SEPTIN11: variants seen among roughly 807,000 people sequenced by gnomAD.
SEPTIN11 encodes the protein septin 11.
SEPTIN11 carries 25 observed loss-of-function variants against 51.4 expected under a neutral mutation model. The ratio of observed to expected loss-of-function variants is 0.49; its 90% CI spans 0.35 to 0.68. The LOEUF (loss-of-function observed/expected upper bound fraction) is 0.68, where lower values mean the gene tolerates loss of function less well. Ranked by LOEUF, SEPTIN11 falls within the 30% of genes least tolerant of loss-of-function variation. The pLI, the probability that SEPTIN11 is intolerant of heterozygous loss-of-function variation, is 0.00. For synonymous variants in SEPTIN11, 174 were observed against 184.1 expected, an observed-to-expected ratio of 0.95 and a Z score of 0.44; for missense variants, 381 against 520.8, an observed-to-expected ratio of 0.73 and a Z score of 2.61.
rs1726572705 is a variant in SEPTIN11 at position 77,030,875 on chromosome 4, C to T, written c.1179C>T (p.Asn393=). The change falls in exon 9 of 10, where the codon AAC becomes AAT. Residue 393 remains asparagine, a synonymous_variant. Transcript: ENST00000264893. The part of the protein sequence containing the change: ...DKKKELEEEV[N]NFQKKKAAAQ... ...AGAAGGAGCTTGAGGAGGAGGTGAACAACTTCCAGAAGAAGAAAGCAGCGG... is the reference window on the plus strand; with the variant it reads ...AGAAGGAGCTTGAGGAGGAGGTGAATAACTTCCAGAAGAAGAAAGCAGCGG... 1 of 1,613,632 alleles carries T rather than the reference C, an allele frequency of 6.2e-7. No homozygotes were observed. The highest frequency in any genetic ancestry group is 2.2e-5 in the East Asian group (1 of 44,844).
At chr4:76,956,669 A>T (rs1423065627) in intron 1 of SEPTIN11, among the ~76,000 whole-genome samples, 1 of 152,142 alleles carries the variant, frequency 6.6e-6, no homozygotes, top group Non-Finnish European at 1.5e-5. Context: ...AAGCTCTTAG[A>T]TGGGTCACTT....
In SEPTIN11 at chr4:77,037,987, A is replaced by G; in HGVS notation, c.*3475A>G. Reference sequence around the variant, plus strand: ...TTCTTGACATTTCCATGACTGTTTCACATACAAACTATTGGGTGAGGTTTT... The same window carrying G: ...TTCTTGACATTTCCATGACTGTTTCGCATACAAACTATTGGGTGAGGTTTT... On this transcript the variant is annotated 3_prime_UTR_variant, in exon 10 of 10. Coordinates refer to ENST00000264893, the MANE Select transcript of SEPTIN11 (RefSeq NM_018243.4). 1 of 985,838 alleles carries G rather than the reference A, an allele frequency of 1.0e-6. No homozygotes were observed. The highest frequency in any genetic ancestry group is 1.2e-6 in the Non-Finnish European group (1 of 829,946). 61.1% of individuals were successfully genotyped at this position (985,838 alleles called of 1,614,324 possible). A position where few individuals can be genotyped will look rare whatever the true frequency, so the allele number is the denominator to read the frequency against.
intron 1 of SEPTIN11, among the ~76,000 whole-genome samples, chr4:76,969,801 C>CAAAA (rs1242444911): frequency 6.6e-6 from 1 of 152,162 alleles, no homozygotes; most frequent in Non-Finnish European, 1.5e-5. Flanking sequence ...TCACTTCTGA[C>CAAAA]ATTTCTAGCC....
chr4:76,988,195 AT>A (rs1367196790), intron 1 of SEPTIN11, among the ~76,000 whole-genome samples: 2 of 152,258 alleles, frequency 1.3e-5, no homozygotes, highest in Non-Finnish European at 2.9e-5. Flanking sequence ...AGGCTGGTGA[AT>A]TCACTCAAAG....
intron 1 of SEPTIN11, among the ~76,000 whole-genome samples, chr4:76,957,437 C>T (rs774517425): frequency 1.3e-5 from 2 of 152,234 alleles, no homozygotes; most frequent in East Asian, 3.9e-4. Flanking sequence ...TACCATTTAA[C>T]AAGCTTTGTG....
At chr4:77,014,196 A>C (rs914252590) in intron 4 of SEPTIN11, among the ~76,000 whole-genome samples, 1 of 152,192 alleles carries the variant, frequency 6.6e-6, no homozygotes, top group African/African-American at 2.4e-5. Context: ...ACTGATTTTC[A>C]AAAGAATTAG....
chr4:77,000,761 A>G (rs1042537293), intron 2 of SEPTIN11, among the ~76,000 whole-genome samples: 1 of 152,168 alleles, frequency 6.6e-6, no homozygotes, highest in Admixed American at 6.5e-5. Context: ...AGTCAGTGCA[A>G]TTGTTTAATG....
chr4:77,037,345 A>G lies in SEPTIN11; in HGVS notation c.*2833A>G. 1 of 974,588 alleles carries G rather than the reference A, an allele frequency of 1.0e-6. No homozygotes were observed. The highest frequency in any genetic ancestry group is 1.2e-6 in the Non-Finnish European group (1 of 820,262). The allele number at this position is 974,588 out of a possible 1,614,324, so 60.4% of individuals were successfully genotyped here. On this transcript the variant is annotated 3_prime_UTR_variant, in exon 10 of 10. Transcript: ENST00000264893. ...CCACTGCATTCCAACCTGGGTGATG[A>G]AGTGAGACTCTCCAAAAAAAAAAAA...
rs377333595 is a variant in SEPTIN11, at chr4:77,034,563, T to A, written c.*51T>A. 100 of 1,510,750 alleles carry A rather than the reference T, an allele frequency of 6.6e-5. No individual in the cohort carries two copies. The highest frequency in any genetic ancestry group is 4.2e-5 in the Non-Finnish European group (48 of 1,136,336). The allele number at this position is 1,510,750 out of a possible 1,614,324, so 93.6% of individuals were successfully genotyped here. ...GCATTCACCTGCTTTTGCAGTAATATCGTATCTCTGCCATGTGTGTTCTTT... is the reference window on the plus strand; with the variant it reads ...GCATTCACCTGCTTTTGCAGTAATAACGTATCTCTGCCATGTGTGTTCTTT... On this transcript the variant is annotated 3_prime_UTR_variant, in exon 10 of 10. Coordinates refer to ENST00000264893, the MANE Select transcript of SEPTIN11 (RefSeq NM_018243.4).
At position 77,014,080 on chromosome 4, in the gene SEPTIN11, T is replaced by C. The variant is rs957185785; in HGVS notation, c.526-776T>C. Among the ~76,000 whole-genome samples, 8 of 152,322 alleles carry C rather than the reference T, an allele frequency of 5.3e-5. No individual in the cohort carries two copies. In the South Asian group the frequency reaches 1.4e-3, roughly 28 times the overall value. ...CTTTCTGGGCTTCCTGCCACTAATG[T>C]CAAATTCTGAGTTCTCCCCTGTTCT... On this transcript the variant is annotated intron_variant, in intron 4 of 9. Coordinates refer to ENST00000264893, the MANE Select transcript of SEPTIN11 (RefSeq NM_018243.4).
chr4:76,980,602 G>T (rs1282025405), intron 1 of SEPTIN11, among the ~76,000 whole-genome samples: 4 of 152,292 alleles, frequency 2.6e-5, no homozygotes, highest in African/African-American at 9.6e-5. Context: ...GAGATACGTG[G>T]TCTGACCCTC....
chr4:76,957,288 C>G (rs1400361437), intron 1 of SEPTIN11, among the ~76,000 whole-genome samples: 1 of 152,060 alleles, frequency 6.6e-6, no homozygotes, highest in East Asian at 1.9e-4. Flanking sequence ...GCCATATGTC[C>G]CTAAATGCAG....
chr4:77,039,023 C>A, downstream of SEPTIN11: 2 of 1,158,822 alleles, frequency 1.7e-6, no homozygotes, highest in South Asian at 1.3e-5. Context: ...TTTTCTTAAG[C>A]CATTAAGAAT....
chr4:77,035,515 A>T lies in SEPTIN11; in HGVS notation c.*1003A>T, dbSNP rs1200828845. The T allele has an allele frequency of 2.0e-6, 2 of 985,312 alleles. No homozygotes were observed. The highest frequency in any genetic ancestry group is 3.5e-5 in the African/African-American group (2 of 57,244). The allele number at this position is 985,312 out of a possible 1,614,324, so 61.0% of individuals were successfully genotyped here. A position where few individuals can be genotyped will look rare whatever the true frequency, so the allele number is the denominator to read the frequency against. On this transcript the variant is annotated 3_prime_UTR_variant, in exon 10 of 10. Transcript: ENST00000264893. ...AAACTCTGTATCATTGGTAGCACAA[A>T]TTTGAGCGAGGCCTTGTCAATTTTA...
chr4:77,002,355 C>G (rs1457716937), intron 2 of SEPTIN11, among the ~76,000 whole-genome samples: 1 of 152,174 alleles, frequency 6.6e-6, no homozygotes, highest in Non-Finnish European at 1.5e-5. Flanking sequence ...TAATTTCAGT[C>G]TTGTCCAGGT....
Position 77,036,836 on chromosome 4 carries a change from A to G in SEPTIN11, c.*2324A>G, listed in dbSNP as rs527318919. Reference sequence around the variant, plus strand: ...TAATTGGATGTGCTTTCGCCTTTGCATGTAAGTACGGTAGTAAGAAACCTT... The same window carrying G: ...TAATTGGATGTGCTTTCGCCTTTGCGTGTAAGTACGGTAGTAAGAAACCTT... On this transcript the variant is annotated 3_prime_UTR_variant, in exon 10 of 10. Transcript: ENST00000264893. The G allele has an allele frequency of 5.9e-6, 9 of 1,520,406 alleles. No homozygotes were observed. Among genetic ancestry groups the G allele is most frequent in the Non-Finnish European group, 7.0e-6 (8 of 1,142,146 alleles). 94.2% of individuals were successfully genotyped at this position (1,520,406 alleles called of 1,614,324 possible).
At chr4:76,986,269 A>G (rs542498576) in intron 1 of SEPTIN11, among the ~76,000 whole-genome samples, 54 of 152,092 alleles carry the variant, frequency 3.6e-4, no homozygotes, top group African/African-American at 1.2e-3. Flanking sequence ...ATTTGGCGTG[A>G]AAAAAATAGG....
rs968951812 is a variant in SEPTIN11, at chr4:76,995,789, G to A, written c.28-636G>A. On this transcript the variant is annotated intron_variant, in intron 1 of 9. Transcript: ENST00000264893. Reference sequence around the variant, plus strand: ...TAACTACCTTACCCTAGTCTACATCGGTAAACTCTGCAAAACTCCAGCAGT... The same window carrying A: ...TAACTACCTTACCCTAGTCTACATCAGTAAACTCTGCAAAACTCCAGCAGT... The A allele has an allele frequency of 3.1e-5, 48 of 1,525,960 alleles. 1 individual carries two copies. In the African/African-American group the frequency reaches 5.4e-4, roughly 17 times the overall value. The allele number at this position is 1,525,960 out of a possible 1,614,324, so 94.5% of individuals were successfully genotyped here.
chr4:76,955,253 G>A (rs1721511324), intron 1 of SEPTIN11, among the ~76,000 whole-genome samples: 1 of 152,206 alleles, frequency 6.6e-6, no homozygotes, highest in Non-Finnish European at 1.5e-5. Flanking sequence ...TGCAGGTGCT[G>A]AAATTATGTT....
Sources: allele counts gnomAD v4.1 joint callset (sites outside exome capture counted in the v4.1 genomes callset), GRCh38; gene constraint gnomAD v4.1.1; transcripts MANE v1.5; gene names NCBI Gene and HGNC (gene_info 2026-07-23, HGNC 2026-07-21).